The following ZNF148 variants were observed in gnomAD, a reference collection of about 807,000 sequenced individuals.
The protein encoded by ZNF148 is zinc finger protein 148.
ZNF148 carries 7 observed loss-of-function variants against 67.7 expected under a neutral mutation model. That is an observed-to-expected ratio of 0.10 (90% CI 0.06 to 0.19). ZNF148 has a LOEUF of 0.19. ZNF148 is among the 10% of genes least tolerant of loss of function. The pLI is 1.00. For missense variants in ZNF148, 583 were observed against 947.1 expected (o/e 0.62, Z 5.05); for synonymous variants, 333 against 330.7 (o/e 1.01, Z -0.08).
At chr3:125,355,343 A>C (rs1942301385) in intron 1 of ZNF148, among the ~76,000 whole-genome samples, 1 of 152,150 alleles carries the variant, frequency 6.6e-6, no homozygotes, top group African/African-American at 2.4e-5. Context: ...GCAGTGGATA[A>C]TTTCTTTGTC....
chr3:125,257,550 G>A lies in ZNF148; in HGVS notation c.667+20176C>T, dbSNP rs187672548. Among the ~76,000 whole-genome samples the A allele has an allele frequency of 2.6e-3, 277 of 107,276 alleles. 1 individual carries two copies. Among genetic ancestry groups the A allele is most frequent in the Non-Finnish European group, 4.1e-3 (239 of 57,700 alleles). 70.4% of individuals were successfully genotyped at this position (107,276 alleles called of 152,430 possible). On this transcript the variant is annotated intron_variant, in intron 7 of 8. Coordinates refer to ENST00000360647, the MANE Select transcript of ZNF148 (RefSeq NM_021964.3). ...AGCCTGGGCGACAGAGCGAGACTCC[G>A]TCTCTATTAAAAAAAAAAAAAAAAA...
At chr3:125,296,249 G>C (rs1320199496) in intron 4 of ZNF148, among the ~76,000 whole-genome samples, 1 of 151,956 alleles carries the variant, frequency 6.6e-6, no homozygotes, top group East Asian at 1.9e-4. Flanking sequence ...AGCCTTTGGA[G>C]TAGCTGGGAC....
At chr3:125,312,231 CCA>C in intron 4 of ZNF148, among the ~76,000 whole-genome samples, 1 of 152,240 alleles carries the variant, frequency 6.6e-6, no homozygotes, top group Admixed American at 6.5e-5. Flanking sequence ...GAACTATATA[CCA>C]CAAACAAGCA....
At chr3:125,259,866 T>C (rs1006540423) in intron 7 of ZNF148, among the ~76,000 whole-genome samples, 9 of 152,300 alleles carry the variant, frequency 5.9e-5, no homozygotes, top group South Asian at 2.1e-4. Flanking sequence ...TTTCAACGTA[T>C]CTTCCTCACT....
At chr3:125,294,947 A>C (rs1471992907) in intron 4 of ZNF148, among the ~76,000 whole-genome samples, 2 of 152,220 alleles carry the variant, frequency 1.3e-5, no homozygotes, top group East Asian at 3.8e-4. Flanking sequence ...CCAAGTTATT[A>C]AGTTGTACAA....
At chr3:125,371,473 A>G (rs1463447839) in intron 1 of ZNF148, among the ~76,000 whole-genome samples, 3 of 149,474 alleles carry the variant, frequency 2.0e-5, no homozygotes, top group Non-Finnish European at 4.5e-5. Flanking sequence ...GAGACCATCT[A>G]CAGTGAAACC....
At chr3:125,297,138 TA>T (rs1242874486) in intron 4 of ZNF148, among the ~76,000 whole-genome samples, 1 of 9,288 alleles carries the variant, frequency 1.1e-4, no homozygotes, top group Non-Finnish European at 2.5e-4. Context: ...TTAAAAAAAA[TA>T]TTATTATCTT....
At chr3:125,264,567 T>G (rs1240035596) in intron 7 of ZNF148, among the ~76,000 whole-genome samples, 1 of 152,172 alleles carries the variant, frequency 6.6e-6, no homozygotes, top group Non-Finnish European at 1.5e-5. Flanking sequence ...AATTGACTAT[T>G]GATGTTGATA....
At chr3:125,335,838 A>C (rs1450764615) in intron 1 of ZNF148, among the ~76,000 whole-genome samples, 2 of 152,196 alleles carry the variant, frequency 1.3e-5, no homozygotes, top group Non-Finnish European at 2.9e-5. Flanking sequence ...TGCAGAGTAT[A>C]CTTTTAGCCC....
chr3:125,355,040 T>C (rs1019706380), intron 1 of ZNF148, among the ~76,000 whole-genome samples: 1 of 152,198 alleles, frequency 6.6e-6, no homozygotes, highest in African/African-American at 2.4e-5. Context: ...CTGTCCAACC[T>C]TGGGTAAGTC....
intron 1 of ZNF148, among the ~76,000 whole-genome samples, chr3:125,350,774 T>G (rs1478661615): frequency 6.6e-6 from 1 of 152,204 alleles, no homozygotes; most frequent in Non-Finnish European, 1.5e-5. Context: ...ACTCACTTCC[T>G]GCTGTGCAGC....
intron 7 of ZNF148, among the ~76,000 whole-genome samples, chr3:125,262,877 T>C (rs529176660): frequency 2.6e-5 from 4 of 152,230 alleles, no homozygotes; most frequent in African/African-American, 4.8e-5. Flanking sequence ...TGTATTCAAA[T>C]GTTTCTCACA....
intron 7 of ZNF148, among the ~76,000 whole-genome samples, chr3:125,267,630 AG>A (rs1937563084): frequency 1.3e-5 from 2 of 152,152 alleles, no homozygotes; most frequent in African/African-American, 4.8e-5. Context: ...TATGCTGAAC[AG>A]GCAAAAGCTG....
chr3:125,239,017 T>C (rs1936223724), intron 7 of ZNF148, among the ~76,000 whole-genome samples: 1 of 152,098 alleles, frequency 6.6e-6, no homozygotes, highest in Non-Finnish European at 1.5e-5. Flanking sequence ...AAAGGGCAAA[T>C]GTGGAATGAT....
At position 125,256,766 on chromosome 3, in the gene ZNF148, T is replaced by G. The variant is rs2107561543; in HGVS notation, c.667+20960A>C. ...GTAAATTATCCTTTCCTACTAGTCA[T>G]GTACTACCCTTGAGAGAAGTGAGGA... On this transcript the variant is annotated intron_variant, in intron 7 of 8. Transcript: ENST00000360647. 1.3e-5 allele frequency among the ~76,000 whole-genome samples: 2 copies of G among 152,336 alleles called. 1 individual carries two copies. The highest frequency in any genetic ancestry group is 4.1e-4 in the South Asian group (2 of 4,822).
chr3:125,246,541 C>T (rs1034526032), intron 7 of ZNF148, among the ~76,000 whole-genome samples: 2 of 151,852 alleles, frequency 1.3e-5, no homozygotes, highest in South Asian at 4.1e-4. Context: ...ACCTCAGAGC[C>T]AAATGTTAAA....
chr3:125,256,330 T>C (rs1346915874), intron 7 of ZNF148, among the ~76,000 whole-genome samples: 1 of 145,802 alleles, frequency 6.9e-6, no homozygotes, highest in African/African-American at 2.6e-5. Context: ...ACAGCACCAC[T>C]GCAGTCTGGC....
chr3:125,259,643 C>A (rs1035646136), intron 7 of ZNF148, among the ~76,000 whole-genome samples: 21 of 152,034 alleles, frequency 1.4e-4, no homozygotes, highest in African/African-American at 4.8e-5. Flanking sequence ...CTAAAAAAAA[C>A]CAATGTACAT....
chr3:125,280,048 G>A (rs1001023003), intron 5 of ZNF148, among the ~76,000 whole-genome samples: 1 of 151,880 alleles, frequency 6.6e-6, no homozygotes, highest in Non-Finnish European at 1.5e-5. Flanking sequence ...AGAATTTATG[G>A]TCTGTTTCAG....
Sources: allele counts gnomAD v4.1 joint callset (sites outside exome capture counted in the v4.1 genomes callset), GRCh38; gene constraint gnomAD v4.1.1; transcripts MANE v1.5; gene names NCBI Gene and HGNC (gene_info 2026-07-23, HGNC 2026-07-21).